Variants in MYH13 observed in about 807,000 individuals in gnomAD.
MYH13 encodes myosin heavy chain 13, also known as myosin-13.
Under a neutral mutation model 232.1 loss-of-function variants are expected in MYH13, and 177 were observed. The ratio of observed to expected loss-of-function variants is 0.76; its 90% CI spans 0.67 to 0.86. The LOEUF (loss-of-function observed/expected upper bound fraction) is 0.86. Among genes scored for constraint, MYH13 ranks in the 40% least tolerant of loss-of-function variants. The probability of loss-of-function intolerance (pLI) is 0.00; values close to 1 mark genes in which losing one functional copy is unlikely to be tolerated. For synonymous variants in MYH13, 884 were observed against 923.5 expected (o/e 0.96, Z 0.78); for missense variants, 2,246 against 2,405.9 (o/e 0.93, Z 1.39).
chr17:10,330,852 A>T (rs891172634), intron 20 of MYH13, among the ~76,000 whole-genome samples: 5 of 151,794 alleles, frequency 3.3e-5, no homozygotes, highest in African/African-American at 1.2e-4. Context: ...CCCTATCTCT[A>T]CTAAAAATAC....
chr17:10,322,665 A>T (rs1171426471), intron 23 of MYH13, among the ~76,000 whole-genome samples: 3 of 123,248 alleles, frequency 2.4e-5, no homozygotes, highest in Non-Finnish European at 4.8e-5. Flanking sequence ...AGGGAGTCTC[A>T]CTCTGTCGCC....
intron 37 of MYH13, among the ~76,000 whole-genome samples, chr17:10,305,860 T>G (rs1007724120): frequency 2.6e-5 from 4 of 152,196 alleles, no homozygotes; most frequent in African/African-American, 9.6e-5. Context: ...TGAACTTTGC[T>G]GGTGCATCAA....
intron 32 of MYH13, 59 bp downstream of exon 32, chr17:10,311,852 G>A: frequency 6.3e-7 from 1 of 1,594,046 alleles, no homozygotes. Flanking sequence ...GCCAAATGGG[G>A]AAGGGGTTGG....
At position 10,309,651 on chromosome 17, in the gene MYH13, C is replaced by T. The variant is rs756546878; in HGVS notation, c.4836G>A (p.Arg1612=). ...TCTTCTTTAGCCTCAGGGCGTCGTT[C>T]CGGCTGCGGATTTCAGCATCCAGCA... ...QSVLDAEIRS[R]NDALRLKKKM... is the part of the protein sequence containing the mutation. Residue 1612 remains arginine, a synonymous_variant, in exon 34 of 41, where the codon CGG becomes CGA. Transcript: ENST00000252172. 5 of 1,611,552 alleles carry T rather than the reference C, an allele frequency of 3.1e-6. No homozygotes were observed. The Admixed American group carries it at 8.4e-5, about 27-fold the overall frequency.
chr17:10,325,605 T>G (rs1907170864), intron 22 of MYH13, among the ~76,000 whole-genome samples: 1 of 152,252 alleles, frequency 6.6e-6, no homozygotes, highest in African/African-American at 2.4e-5. Flanking sequence ...GCAGTGAGTC[T>G]CTTGGACAGA....
At position 10,332,213 on chromosome 17, in the gene MYH13, G is replaced by A; in HGVS notation, c.2184C>T (p.Ile728=). ...LYADFKQRYR[I]LNASAIPEGQ... ...CTTCAGGGATAGCACTGGCATTGAG[G>A]ATCCGGTACCTAAGGAGAGAGGACA... The change falls in exon 20 of 41, where the codon ATC becomes ATT. Residue 728 remains isoleucine, a synonymous_variant. Coordinates refer to ENST00000252172, the MANE Select transcript of MYH13 (RefSeq NM_003802.3). 1 of 1,613,846 alleles carries A rather than the reference G, an allele frequency of 6.2e-7. No homozygotes were observed. The highest frequency in any genetic ancestry group is 1.1e-5 in the South Asian group (1 of 91,078).
At chr17:10,311,795 G>A in intron 32 of MYH13, 116 bp downstream of exon 32, 1 of 1,220,236 alleles carries the variant, frequency 8.2e-7, no homozygotes, top group Non-Finnish European at 1.2e-6. Context: ...CATGATGGGT[G>A]AGGATCGTGT....
chr17:10,347,647 G>C (rs2071675763), intron 12 of MYH13, among the ~76,000 whole-genome samples: 1 of 151,482 alleles, frequency 6.6e-6, no homozygotes, highest in Non-Finnish European at 1.5e-5. Flanking sequence ...ACTTTGAGAA[G>C]GACCTGGGGG....
At chr17:10,360,378 AACATG>A (rs1448526610) in intron 5 of MYH13, among the ~76,000 whole-genome samples, 190 bp from the exon 6 acceptor site, 1 of 152,192 alleles carries the variant, frequency 6.6e-6, no homozygotes, top group Non-Finnish European at 1.5e-5. Context: ...TGGGATGTGC[AACATG>A]ACCAGCCTGG....
intron 2 of MYH13, among the ~76,000 whole-genome samples, chr17:10,366,381 GTTT>G (rs56798899): frequency 1.8e-5 from 2 of 112,634 alleles, no homozygotes; most frequent in Non-Finnish European, 3.8e-5. Context: ...AAATAAATCT[GTTT>G]TTTTTTTTTT....
chr17:10,356,106 G>A (rs1310047460), intron 8 of MYH13, among the ~76,000 whole-genome samples: 2 of 152,198 alleles, frequency 1.3e-5, no homozygotes, highest in East Asian at 1.9e-4. Context: ...GGTCCTCAAC[G>A]ACACTGTGCG....
rs776899803 is a variant in MYH13 at position 10,318,885 on chromosome 17, G to A, written c.3643C>T (p.Gln1215Ter). Residue 1215 changes from glutamine to a stop codon, truncating the protein, a stop_gained, in exon 27 of 41, where the codon CAG (glutamine) becomes TAG (stop). Coordinates refer to ENST00000252172, the MANE Select transcript of MYH13 (RefSeq NM_003802.3). LOFTEE classifies it high-confidence loss of function. ...TTCTCCAGCTTCTGCTTCACCCGCT[G>A]CAGGTTGTCAATCTGCTCCCCAAGC... Reference protein sequence around the residue: ...AELGEQIDNLQRVKQKLEKEK... With the variant: ...AELGEQIDNL The A allele has an allele frequency of 6.2e-7, 1 of 1,614,146 alleles. No individual in the cohort carries two copies. The highest frequency in any genetic ancestry group is 2.2e-5 in the East Asian group (1 of 44,872).
intron 2 of MYH13, among the ~76,000 whole-genome samples, chr17:10,370,332 T>C (rs1039331660): frequency 6.6e-6 from 1 of 152,230 alleles, no homozygotes; most frequent in Non-Finnish European, 1.5e-5. Flanking sequence ...GACCATTCAT[T>C]TTTGACTGAT....
chr17:10,345,173 A>T, intron 15 of MYH13, 29 bp downstream of exon 15: 2 of 1,614,000 alleles, frequency 1.2e-6, no homozygotes, highest in Non-Finnish European at 1.7e-6. Context: ...AATAAGGAGG[A>T]GCTGTCCCAG....
intron 32 of MYH13, 109 bp downstream of exon 32, chr17:10,311,802 G>A (rs574999363): frequency 7.8e-6 from 10 of 1,282,252 alleles, no homozygotes; most frequent in African/African-American, 4.4e-5. Flanking sequence ...GGTGAGGATC[G>A]TGTGGGGCAG....
At chr17:10,328,573 G>C (rs1254007632) in intron 21 of MYH13, among the ~76,000 whole-genome samples, 1 of 152,012 alleles carries the variant, frequency 6.6e-6, no homozygotes, top group Non-Finnish European at 1.5e-5. Flanking sequence ...TGCCATATGG[G>C]GTTCCTCTTC....
chr17:10,359,460 C>T (rs1597389188), intron 7 of MYH13, among the ~76,000 whole-genome samples: 3 of 152,206 alleles, frequency 2.0e-5, no homozygotes, highest in African/African-American at 4.8e-5. Context: ...TTCCACTTGG[C>T]TTTTCCTCTG....
At position 10,309,249 on chromosome 17, in the gene MYH13, C is replaced by G. The variant is rs1567655600; in HGVS notation, c.5154G>C (p.Gln1718His). ...GCCGACGCACCTGGGAGTGCAGGAGCTGCACGCGGTCGCTGGCGTCCAGCA... is the reference window on the plus strand; with the variant it reads ...GCCGACGCACCTGGGAGTGCAGGAGGTGCACGCGGTCGCTGGCGTCCAGCA... ...QELLDASDRV[Q>H]LLHSQNTSLI... Residue 1718 changes from glutamine to histidine, a missense_variant, in exon 35 of 41, where the codon CAG (glutamine) becomes CAC (histidine). Gln to His is a conservative substitution (Grantham distance 24, BLOSUM62 0). Coordinates refer to ENST00000252172, the MANE Select transcript of MYH13 (RefSeq NM_003802.3). The G allele has an allele frequency of 6.2e-7, 1 of 1,613,352 alleles. No homozygotes were observed. The highest frequency in any genetic ancestry group is 8.5e-7 in the Non-Finnish European group (1 of 1,179,778).
intron 15 of MYH13, 47 bp from the exon 16 acceptor site, chr17:10,344,156 C>T: frequency 1.9e-6 from 3 of 1,588,698 alleles, no homozygotes; most frequent in Non-Finnish European, 2.6e-6. Flanking sequence ...CATACCCATG[C>T]TTCATGGTCT....
Sources: allele counts gnomAD v4.1 joint callset (sites outside exome capture counted in the v4.1 genomes callset), GRCh38; gene constraint gnomAD v4.1.1; transcripts MANE v1.5; gene names NCBI Gene and HGNC (gene_info 2026-07-23, HGNC 2026-07-21).